Variants in RNF182 observed in about 807,000 individuals in gnomAD.
RNF182 encodes the protein E3 ubiquitin-protein ligase RNF182.
RNF182 carries 15 observed loss-of-function variants against 14.4 expected under a neutral mutation model. The observed-to-expected ratio is 1.04, with a 90% CI of 0.70 to 1.60. The LOEUF (loss-of-function observed/expected upper bound fraction) is 1.60, where lower values mean the gene tolerates loss of function less well. RNF182 is among the 40% of genes most tolerant of loss of function. RNF182 has a pLI of 0.00. For missense variants in RNF182, 268 were observed against 294.8 expected (o/e 0.91, Z 0.67); for synonymous variants, 128 against 122.9 (o/e 1.04, Z -0.27).
At chr6:13,959,590 A>T (rs918170676) in intron 1 of RNF182, among the ~76,000 whole-genome samples, 1 of 152,204 alleles carries the variant, frequency 6.6e-6, no homozygotes, top group Non-Finnish European at 1.5e-5. Context: ...ATGAAGATGG[A>T]ATGAAATTGG....
intron 1 of RNF182, among the ~76,000 whole-genome samples, chr6:13,938,769 C>T (rs1759207836): frequency 1.3e-5 from 2 of 152,170 alleles, no homozygotes; most frequent in Non-Finnish European, 2.9e-5. Flanking sequence ...TTGTGAATCT[C>T]TGTCTGGATT....
At chr6:13,936,450 C>T (rs1759111600) in intron 1 of RNF182, among the ~76,000 whole-genome samples, 1 of 152,182 alleles carries the variant, frequency 6.6e-6, no homozygotes, top group Non-Finnish European at 1.5e-5. Flanking sequence ...AGTAAATTTA[C>T]ATGGTCGTGG....
chr6:13,939,621 G>T (rs958131759), intron 1 of RNF182, among the ~76,000 whole-genome samples: 4 of 152,074 alleles, frequency 2.6e-5, no homozygotes, highest in Non-Finnish European at 5.9e-5. Context: ...TGGGCTCGCT[G>T]CAAGCCCTGC....
intron 1 of RNF182, among the ~76,000 whole-genome samples, chr6:13,941,295 T>G (rs1426962127): frequency 6.6e-6 from 1 of 152,112 alleles, no homozygotes; most frequent in African/African-American, 2.4e-5. Context: ...ATTGGACACC[T>G]TTCCTCTCTG....
Position 13,977,037 on chromosome 6 carries a change from G to GAT in RNF182, c.-80_-79dup. ...TTTTGCATCGCTGCCAGATTTGGAT[G>GAT]ATATGATATTCAGAGGGGCACCTTA... On this transcript the variant is annotated 5_prime_UTR_variant, in exon 3 of 3. In the 5' UTR this introduces an upstream ATG that the reference lacks. Coordinates refer to ENST00000488300, the MANE Select transcript of RNF182 (RefSeq NM_152737.4). 2 of 1,395,920 alleles carry GAT rather than the reference G, an allele frequency of 1.4e-6. No homozygotes were observed. The highest frequency in any genetic ancestry group is 2.0e-6 in the Non-Finnish European group (2 of 1,023,990). The allele number at this position is 1,395,920 out of a possible 1,614,324, so 86.5% of individuals were successfully genotyped here.
chr6:13,942,005 ATTTC>A (rs1759312341), intron 1 of RNF182, among the ~76,000 whole-genome samples: 1 of 151,768 alleles, frequency 6.6e-6, no homozygotes, highest in Admixed American at 6.6e-5. Context: ...TCCCTTTAGT[ATTTC>A]TTTCTATTTT....
rs1352839892 is a variant in RNF182 at position 13,924,984 on chromosome 6, A to C, written c.-406A>C. On this transcript the variant is annotated 5_prime_UTR_variant, in exon 1 of 3. Transcript: ENST00000488300. Reference sequence around the variant, plus strand: ...TCCCTCCCCTCCCAGGCGCCGCCGCAGCCGGAGCGGCTCCCGGGCCCTGGG... The same window carrying C: ...TCCCTCCCCTCCCAGGCGCCGCCGCCGCCGGAGCGGCTCCCGGGCCCTGGG... The C allele has an allele frequency of 1.1e-4, 2 of 18,230 alleles. No individual in the cohort carries two copies. The highest frequency in any genetic ancestry group is 2.2e-4 in the Non-Finnish European group (2 of 9,220). The allele number at this position is 18,230 out of a possible 1,614,324, so 1.1% of individuals were successfully genotyped here. A position where few individuals can be genotyped will look rare whatever the true frequency, so the allele number is the denominator to read the frequency against.
At chr6:13,949,333 G>A (rs545997417) in intron 1 of RNF182, 2 of 771,476 alleles carry the variant, frequency 2.6e-6, no homozygotes, top group South Asian at 1.3e-5. Context: ...TTAATAGAGT[G>A]GCCCCCTTGC....
chr6:13,945,553 A>C (rs945795430), intron 1 of RNF182, among the ~76,000 whole-genome samples: 1 of 152,224 alleles, frequency 6.6e-6, no homozygotes, highest in African/African-American at 2.4e-5. Flanking sequence ...ACATGACAAC[A>C]ACAACAAAAC....
chr6:13,974,682 C>T (rs1051343292), intron 2 of RNF182, among the ~76,000 whole-genome samples: 1 of 152,216 alleles, frequency 6.6e-6, no homozygotes, highest in Non-Finnish European at 1.5e-5. Flanking sequence ...GACCTGCTGA[C>T]TGTCAAATGC....
intron 1 of RNF182, among the ~76,000 whole-genome samples, chr6:13,947,917 G>A (rs1218664339): frequency 6.6e-6 from 1 of 152,174 alleles, no homozygotes; most frequent in Non-Finnish European, 1.5e-5. Flanking sequence ...ATCACCATAA[G>A]TTAAAAATAC....
intron 1 of RNF182, among the ~76,000 whole-genome samples, chr6:13,948,396 AT>A (rs1157926603): frequency 2.6e-5 from 4 of 152,226 alleles, no homozygotes; most frequent in Non-Finnish European, 5.9e-5. Flanking sequence ...ATAATTTAAG[AT>A]AACAATTATA....
At chr6:13,975,296 G>A (rs986305597) in intron 2 of RNF182, among the ~76,000 whole-genome samples, 1 of 152,198 alleles carries the variant, frequency 6.6e-6, no homozygotes, top group Non-Finnish European at 1.5e-5. Context: ...AGTGACATGG[G>A]CATGTGTATC....
chr6:13,932,897 T>C (rs1341981745), intron 1 of RNF182, among the ~76,000 whole-genome samples: 1 of 152,212 alleles, frequency 6.6e-6, no homozygotes, highest in African/African-American at 2.4e-5. Context: ...TTGGAGTTAG[T>C]TACCCACTAG....
chr6:13,940,268 A>G (rs1759260160), intron 1 of RNF182, among the ~76,000 whole-genome samples: 1 of 152,210 alleles, frequency 6.6e-6, no homozygotes, highest in South Asian at 2.1e-4. Context: ...TGATGATATG[A>G]TTTGTTCCTC....
intron 1 of RNF182, among the ~76,000 whole-genome samples, chr6:13,939,049 C>T (rs1759217064): frequency 6.6e-6 from 1 of 152,190 alleles, no homozygotes; most frequent in Non-Finnish European, 1.5e-5. Flanking sequence ...CACCACTGCA[C>T]TCTAGCCTGG....
At chr6:13,968,808 G>T (rs1266067321) in intron 1 of RNF182, among the ~76,000 whole-genome samples, 1 of 152,212 alleles carries the variant, frequency 6.6e-6, no homozygotes, top group Non-Finnish European at 1.5e-5. Context: ...GTGCATGCAT[G>T]TGTGCACGTG....
chr6:13,960,668 T>G (rs1170386317), intron 1 of RNF182, among the ~76,000 whole-genome samples: 1 of 102,032 alleles, frequency 9.8e-6, no homozygotes, highest in African/African-American at 2.9e-5. Context: ...TGTGTGTGTG[T>G]GTGTGTGTGT....
intron 1 of RNF182, among the ~76,000 whole-genome samples, chr6:13,967,471 C>T (rs1760062954): frequency 6.6e-6 from 1 of 152,164 alleles, no homozygotes; most frequent in African/African-American, 2.4e-5. Context: ...TAACCTTGCA[C>T]ATACCTTGAT....
Sources: allele counts gnomAD v4.1 joint callset (sites outside exome capture counted in the v4.1 genomes callset), GRCh38; gene constraint gnomAD v4.1.1; transcripts MANE v1.5; gene names NCBI Gene and HGNC (gene_info 2026-07-23, HGNC 2026-07-21).